Variants in SMC5 observed in about 807,000 individuals in gnomAD.
SMC5 encodes the protein structural maintenance of chromosomes protein 5.
SMC5 carries 88 observed loss-of-function variants against 148.3 expected under a neutral mutation model. That is an observed-to-expected ratio of 0.59 (90% confidence interval 0.50 to 0.71). The LOEUF (loss-of-function observed/expected upper bound fraction) is 0.71. Among genes scored for constraint, SMC5 ranks in the 30% least tolerant of loss-of-function variants. SMC5 has a pLI of 0.00. For synonymous variants in SMC5, 421 were observed against 432.8 expected, an observed-to-expected ratio of 0.97 and a Z score of 0.34; for missense variants, 1,142 against 1,298.9, an observed-to-expected ratio of 0.88 and a Z score of 1.86.
intron 13 of SMC5, 42 bp from the exon 14 acceptor site, chr9:70,318,472 A>C: frequency 1.4e-6 from 2 of 1,388,080 alleles, no homozygotes; most frequent in Non-Finnish European, 1.9e-6. Flanking sequence ...TAAAACATAT[A>C]ATTTATATTA....
In SMC5 at chr9:70,352,342, G is replaced by A; in HGVS notation, c.*11G>A. 6.3e-7 allele frequency: 1 copy of A among 1,576,614 alleles called. No individual in the cohort carries two copies. The highest frequency in any genetic ancestry group is 8.6e-7 in the Non-Finnish European group (1 of 1,165,226). On this transcript the variant is annotated 3_prime_UTR_variant, in exon 25 of 25. Coordinates refer to ENST00000361138, the MANE Select transcript of SMC5 (RefSeq NM_015110.4). Reference sequence around the variant, plus strand: ...ACTCAACCTTCTTAATAAAAGTAAAGAGAGGGAACTTGGGAATTTTTTTTG... The same window carrying A: ...ACTCAACCTTCTTAATAAAAGTAAAAAGAGGGAACTTGGGAATTTTTTTTG...
chr9:70,290,749 C>A (rs1034586518), intron 8 of SMC5, among the ~76,000 whole-genome samples: 1 of 152,092 alleles, frequency 6.6e-6, no homozygotes, highest in Non-Finnish European at 1.5e-5. Context: ...AAAAAAAGTA[C>A]GTGTGCTCAC....
At chr9:70,347,587 AAAG>A in intron 20 of SMC5, 23 bp from the exon 21 acceptor site, 2 of 1,263,404 alleles carry the variant, frequency 1.6e-6, no homozygotes, top group Non-Finnish European at 2.2e-6. Flanking sequence ...GATTTATCTT[AAAG>A]AAGTTTTTTT....
Position 70,305,254 on chromosome 9 carries a change from T to G in SMC5, c.1472T>G (p.Met491Arg). ...VCEPIMLTIN[M>R]KDNKNAKYIE... is the part of the protein sequence containing the mutation. ...TTTTGCTTGTTTGTTTAGATCAATA[T>G]GAAAGATAATAAAAATGCCAAATAT... The change falls in exon 11 of 25, where the codon ATG (methionine) becomes AGG (arginine). Residue 491 changes from methionine (M) to arginine (R), a missense_variant. Physicochemically the swap from Met to Arg is moderately conservative, Grantham distance 91. Around this residue, in one of 5 missense-constraint regions of SMC5, gnomAD observed 743 missense variants for 835.7 expected, o/e 0.89. Coordinates refer to ENST00000361138, the MANE Select transcript of SMC5 (RefSeq NM_015110.4). The G allele has an allele frequency of 6.7e-7, 1 of 1,485,370 alleles. No individual in the cohort carries two copies. The highest frequency in any genetic ancestry group is 9.4e-7 in the Non-Finnish European group (1 of 1,068,462). 92.0% of individuals were successfully genotyped at this position (1,485,370 alleles called of 1,614,324 possible).
At chr9:70,345,246 A>T (rs935955974) in intron 18 of SMC5, among the ~76,000 whole-genome samples, 3 of 152,014 alleles carry the variant, frequency 2.0e-5, no homozygotes, top group African/African-American at 7.2e-5. Flanking sequence ...CAAAATTAGG[A>T]GATGATTATA....
chr9:70,269,011 T>C (rs2034371784), intron 3 of SMC5, among the ~76,000 whole-genome samples: 1 of 152,174 alleles, frequency 6.6e-6, no homozygotes, highest in South Asian at 2.1e-4. Flanking sequence ...GTTGGAATAT[T>C]AGTGGAAAGT....
chr9:70,312,967 T>C lies in SMC5; in HGVS notation c.1579-1775T>C, dbSNP rs367867145. Among the ~76,000 whole-genome samples, 8 of 152,212 alleles carry C rather than the reference T, an allele frequency of 5.3e-5. No individual in the cohort carries two copies. The East Asian group carries it at 1.5e-3, about 29-fold the overall frequency. ...ACTTGGGAAGTGTTTCATCCTTCTG[T>C]TTATTGCTTCCTTAACTGTTTTATC... On this transcript the variant is annotated intron_variant, in intron 11 of 24. Coordinates refer to ENST00000361138, the MANE Select transcript of SMC5 (RefSeq NM_015110.4).
At chr9:70,266,567 G>A (rs555868330) in intron 2 of SMC5, among the ~76,000 whole-genome samples, 6 of 152,126 alleles carry the variant, frequency 3.9e-5, no homozygotes, top group South Asian at 4.2e-4. Flanking sequence ...GTTGATTTTT[G>A]TCATGAAAAC....
intron 22 of SMC5, among the ~76,000 whole-genome samples, chr9:70,349,452 C>A (rs989013445): frequency 6.6e-6 from 1 of 152,216 alleles, no homozygotes; most frequent in African/African-American, 2.4e-5. Flanking sequence ...AACCTTAGAG[C>A]ATCCTCAGTT....
chr9:70,300,345 G>A, intron 10 of SMC5, 145 bp downstream of exon 10: 1 of 635,534 alleles, frequency 1.6e-6, no homozygotes, highest in Non-Finnish European at 2.5e-6. Flanking sequence ...CTATACATGA[G>A]CTTTTTAAAG....
chr9:70,305,538 G>C (rs1255292498), intron 11 of SMC5, among the ~76,000 whole-genome samples, 178 bp downstream of exon 11: 1 of 152,022 alleles, frequency 6.6e-6, no homozygotes, highest in Non-Finnish European at 1.5e-5. Context: ...CAATTTATTT[G>C]CTTTATAAAA....
At chr9:70,263,397 T>C (rs1220094370) in intron 1 of SMC5, among the ~76,000 whole-genome samples, 1 of 152,118 alleles carries the variant, frequency 6.6e-6, no homozygotes, top group Non-Finnish European at 1.5e-5. Flanking sequence ...AAAATATTAA[T>C]GTGTGTGCTT....
At chr9:70,266,341 A>G (rs1304301280) in intron 2 of SMC5, among the ~76,000 whole-genome samples, 1 of 152,130 alleles carries the variant, frequency 6.6e-6, no homozygotes, top group Non-Finnish European at 1.5e-5. Flanking sequence ...ACCTTGAGCA[A>G]TTATCTGGAC....
rs113096629 is a variant in SMC5, at chr9:70,259,157, G to C, written c.79G>C (p.Glu27Gln). 1.2e-5 allele frequency: 20 copies of C among 1,612,244 alleles called. No individual in the cohort carries two copies. Among genetic ancestry groups the C allele is most frequent in the African/African-American group, 9.3e-5 (7 of 74,920 alleles). The part of the protein sequence containing the change: ...KRALPRDPSS[E>Q]VPSKRKNSAP... ...AGCTCTCCCGAGAGACCCTTCGTCG[G>C]AGGTCCCGAGCAAGAGGAAGAATTC... is the stretch of plus-strand genomic sequence containing the variant. The change falls in exon 1 of 25, where the codon GAG becomes CAG. Residue 27 changes from glutamate to glutamine, a missense_variant. Physicochemically the swap from Glu to Gln is conservative, Grantham distance 29. This residue lies in a region of SMC5 where 297 missense variants were observed against 302.6 expected (regional missense o/e 0.98). Coordinates refer to ENST00000361138, the MANE Select transcript of SMC5 (RefSeq NM_015110.4).
chr9:70,272,925 G>A (rs1046552072), intron 3 of SMC5, among the ~76,000 whole-genome samples: 2 of 152,058 alleles, frequency 1.3e-5, no homozygotes, highest in Admixed American at 6.5e-5. Context: ...TTTATTATCC[G>A]CATTTATTGA....
At chr9:70,272,778 A>G (rs1396070199) in intron 3 of SMC5, among the ~76,000 whole-genome samples, 1 of 152,196 alleles carries the variant, frequency 6.6e-6, no homozygotes, top group African/African-American at 2.4e-5. Context: ...AAAACTAGGA[A>G]AGGAAACTGA....
In SMC5 at chr9:70,354,174, GT is replaced by G. The variant is rs2036859058; in HGVS notation, c.*1844del. ...TATCATTTTAGCATATTAAACAGTA[GT>G]AAGTCTAGCACATAGTCTCAGCCAC... On this transcript the variant is annotated 3_prime_UTR_variant, in exon 25 of 25. Coordinates refer to ENST00000361138, the MANE Select transcript of SMC5 (RefSeq NM_015110.4). 6.6e-6 allele frequency: 1 copy of G among 152,146 alleles called. No homozygotes were observed. The highest frequency in any genetic ancestry group is 6.5e-5 in the Admixed American group (1 of 15,280). The allele number at this position is 152,146 out of a possible 1,614,324, so 9.4% of individuals were successfully genotyped here.
chr9:70,260,169 A>G (rs1009087337), intron 1 of SMC5, among the ~76,000 whole-genome samples: 2 of 152,026 alleles, frequency 1.3e-5, no homozygotes, highest in African/African-American at 2.4e-5. Flanking sequence ...TAGTGGCGCA[A>G]TCTCGGCTCA....
chr9:70,261,274 G>T (rs2034122926), intron 1 of SMC5, among the ~76,000 whole-genome samples: 1 of 152,168 alleles, frequency 6.6e-6, no homozygotes, highest in African/African-American at 2.4e-5. Context: ...AGGGAATGAC[G>T]TGTGTTCTGT....
Sources: gnomAD v4.1 joint callset for allele counts (sites outside exome capture counted in the v4.1 genomes callset) on GRCh38, gnomAD v4.1.1 for gene constraint, gnomAD v4.1.1 regional missense constraint, MANE v1.5 for transcripts, NCBI Gene and HGNC (gene_info 2026-07-23, HGNC 2026-07-21) for gene names.